Variants in G6PC1 observed in about 807,000 individuals in gnomAD.
G6PC1 encodes G-6-Pase.
In G6PC1, 23 loss-of-function variants were observed where a neutral mutation model predicts 30.4. That is an observed-to-expected ratio of 0.76 (90% CI 0.55 to 1.07). G6PC1 has a LOEUF of 1.07. Ranked by LOEUF, G6PC1 falls within the 50% of genes least tolerant of loss-of-function variation. The probability of loss-of-function intolerance (pLI) is 0.00; values close to 1 mark genes in which losing one functional copy is unlikely to be tolerated. For synonymous variants in G6PC1, 163 were observed against 175.6 expected (o/e 0.93, Z 0.57); for missense variants, 391 against 433.9 (o/e 0.90, Z 0.88).
chr17:42,905,443 T>TATACACAC (rs1223207559), intron 2 of G6PC1, among the ~76,000 whole-genome samples: 64 of 87,918 alleles, frequency 7.3e-4, no homozygotes, highest in African/African-American at 3.5e-3. Context: ...TATATATATA[T>TATACACAC]ACACACACAC....
rs530406429 is a variant in G6PC1, at chr17:42,902,764, G to A, written c.231-1167G>A. On this transcript the variant is annotated intron_variant, in intron 1 of 4. Transcript: ENST00000253801. The stretch of plus-strand genomic sequence containing the variant: ...GAAAGATATATCTAGTACTTTTAAA[G>A]GGGAAGTGGTTTGTCTGAGATACTC... Among the ~76,000 whole-genome samples the A allele has an allele frequency of 2.6e-5, 4 of 152,268 alleles. 1 individual carries two copies. The highest frequency in any genetic ancestry group is 9.6e-5 in the African/African-American group (4 of 41,562).
At chr17:42,903,824 G>C (rs2056041949) in intron 1 of G6PC1, 107 bp from the exon 2 acceptor site, 1 of 789,648 alleles carries the variant, frequency 1.3e-6, no homozygotes. Flanking sequence ...CTCCCTTCTA[G>C]AGGCAACATG....
chr17:42,900,833 C>A lies in G6PC1; in HGVS notation c.-44C>A. On this transcript the variant is annotated 5_prime_UTR_variant, in exon 1 of 5. Transcript: ENST00000253801. ...ATCACCACCAAGCCTGGAATAACTGCAAGGGCTCTGCTGACATCTTCCTGA... is the reference window on the plus strand; with the variant it reads ...ATCACCACCAAGCCTGGAATAACTGAAAGGGCTCTGCTGACATCTTCCTGA... The A allele has an allele frequency of 6.6e-7, 1 of 1,521,328 alleles. No individual in the cohort carries two copies. The highest frequency in any genetic ancestry group is 9.1e-7 in the Non-Finnish European group (1 of 1,097,470). 94.2% of individuals were successfully genotyped at this position (1,521,328 alleles called of 1,614,324 possible).
chr17:42,906,695 A>C (rs2056064025), intron 2 of G6PC1, among the ~76,000 whole-genome samples: 1 of 152,050 alleles, frequency 6.6e-6, no homozygotes, highest in African/African-American at 2.4e-5. Flanking sequence ...CCTGGGCAAA[A>C]ACAATCAAAC....
Position 42,912,880 on chromosome 17 carries a change from C to T in G6PC1, c.*1454C>T, listed in dbSNP as rs148453821. ...GCACGATCTTGGCTCACTGCAACCT[C>T]TTCCTCCTGGTTCAAGCGATTCTCA... On this transcript the variant is annotated 3_prime_UTR_variant, in exon 5 of 5. Coordinates refer to ENST00000253801, the MANE Select transcript of G6PC1 (RefSeq NM_000151.4). The T allele has an allele frequency of 6.1e-3, 921 of 152,214 alleles. 4 individuals are homozygous for T. Among genetic ancestry groups the T allele is most frequent in the Middle Eastern group, 0.027 (8 of 294 alleles). 9.4% of individuals were successfully genotyped at this position (152,214 alleles called of 1,614,324 possible).
rs1162228925 is a variant in G6PC1, at chr17:42,900,908, T to C, written c.32T>C (p.Phe11Ser). The change falls in exon 1 of 5, where the codon TTT (phenylalanine) becomes TCT (serine). Residue 11 changes from phenylalanine (F) to serine (S), a missense_variant. Coordinates refer to ENST00000253801, the MANE Select transcript of G6PC1 (RefSeq NM_000151.4). Reference protein sequence around the residue: MEEGMNVLHDFGIQSTHYLQV... With the variant: MEEGMNVLHDSGIQSTHYLQV... ...GAAGGAATGAATGTTCTCCATGACT[T>C]TGGGATCCAGTCAACACATTACCTC... 6.2e-7 allele frequency: 1 copy of C among 1,614,046 alleles called. No homozygotes were observed. Among genetic ancestry groups the C allele is most frequent in the East Asian group, 2.2e-5 (1 of 44,872 alleles).
rs1332657768 is a variant in G6PC1 at position 42,903,926 on chromosome 17, C to T, written c.231-5C>T. ...ACCCCAGAAACTTGTTCTGTTTTTCCATAGGATTCTCTTTGGACAGCGTCC... is the reference window on the plus strand; with the variant it reads ...ACCCCAGAAACTTGTTCTGTTTTTCTATAGGATTCTCTTTGGACAGCGTCC... On this transcript the variant is annotated splice_region_variant and splice_polypyrimidine_tract_variant and intron_variant, in intron 1 of 4. Transcript: ENST00000253801. 6.3e-7 allele frequency: 1 copy of T among 1,598,574 alleles called. No individual in the cohort carries two copies. The highest frequency in any genetic ancestry group is 8.6e-7 in the Non-Finnish European group (1 of 1,165,952).
At chr17:42,905,033 A>T (rs2056049901) in intron 2 of G6PC1, among the ~76,000 whole-genome samples, 1 of 152,054 alleles carries the variant, frequency 6.6e-6, no homozygotes, top group Middle Eastern at 3.4e-3. Flanking sequence ...AATCGCTTGA[A>T]CCTGGGAGGC....
intron 4 of G6PC1, among the ~76,000 whole-genome samples, chr17:42,910,031 T>G (rs1209494778): frequency 2.0e-5 from 3 of 151,898 alleles, no homozygotes; most frequent in African/African-American, 7.3e-5. Flanking sequence ...GCCCGGCTAA[T>G]TTTTTGTATT....
chr17:42,908,289 A>G (rs1222229885), intron 3 of G6PC1, among the ~76,000 whole-genome samples: 1 of 152,110 alleles, frequency 6.6e-6, no homozygotes. Flanking sequence ...TCAGCCTCCT[A>G]AAATATTGGG....
Position 42,911,416 on chromosome 17 carries a change from AGTC to A in G6PC1, c.1067_1069del (p.Ser356del). ...CAGGTCCTGGGCCAGCCGCACAAGA[AGTC>A]GTTGTAAGAGATGTGGAGTCTTCGG... is the stretch of plus-strand genomic sequence containing the variant. On this transcript the variant is annotated inframe_deletion, in exon 5 of 5. Transcript: ENST00000253801. 6.2e-7 allele frequency: 1 copy of A among 1,614,182 alleles called. No individual in the cohort carries two copies. Among genetic ancestry groups the A allele is most frequent in the Non-Finnish European group, 8.5e-7 (1 of 1,180,036 alleles).
rs964033857 is a variant in G6PC1, at chr17:42,913,845, G to A, written c.*2419G>A. Among the ~76,000 whole-genome samples, 1 of 152,112 alleles carries A rather than the reference G, an allele frequency of 6.6e-6. No individual in the cohort carries two copies. The highest frequency in any genetic ancestry group is 2.4e-5 in the African/African-American group (1 of 41,420). On this transcript the variant is annotated 3_prime_UTR_variant, in exon 5 of 5. Coordinates refer to ENST00000253801, the MANE Select transcript of G6PC1 (RefSeq NM_000151.4). ...GTCACAGCACCAAGGAATGCTCAAGGGAGCTATTGCAGGTTTCTCTGCTAA... is the reference window on the plus strand; with the variant it reads ...GTCACAGCACCAAGGAATGCTCAAGAGAGCTATTGCAGGTTTCTCTGCTAA...
At position 42,911,372 on chromosome 17, in the gene G6PC1, C is replaced by T; in HGVS notation, c.1020C>T (p.Val340=). 2 of 1,614,200 alleles carry T rather than the reference C, an allele frequency of 1.2e-6. No individual in the cohort carries two copies. The highest frequency in any genetic ancestry group is 8.5e-7 in the Non-Finnish European group (1 of 1,180,038). Residue 340 remains valine, a synonymous_variant, in exon 5 of 5, where the codon GTC becomes GTT. Coordinates refer to ENST00000253801, the MANE Select transcript of G6PC1 (RefSeq NM_000151.4). ...SAVVPLASVS[V]IPYCLAQVLG... is the part of the protein sequence containing the mutation. Reference sequence around the variant, plus strand: ...TAGTGCCCCTGGCATCCGTCAGTGTCATCCCCTACTGCCTCGCCCAGGTCC... The same window carrying T: ...TAGTGCCCCTGGCATCCGTCAGTGTTATCCCCTACTGCCTCGCCCAGGTCC...
In G6PC1 at chr17:42,911,823, A is replaced by T; in HGVS notation, c.*397A>T. 1 of 281,558 alleles carries T rather than the reference A, an allele frequency of 3.6e-6. No individual in the cohort carries two copies. The highest frequency in any genetic ancestry group is 4.1e-5 in the South Asian group (1 of 24,220). 17.4% of individuals were successfully genotyped at this position (281,558 alleles called of 1,614,324 possible). ...TCAGCTCAGGTGGTCCTCTTTTACAATCCTAATCATATTGGGTAATGTTTT... is the reference window on the plus strand; with the variant it reads ...TCAGCTCAGGTGGTCCTCTTTTACATTCCTAATCATATTGGGTAATGTTTT... On this transcript the variant is annotated 3_prime_UTR_variant, in exon 5 of 5. Coordinates refer to ENST00000253801, the MANE Select transcript of G6PC1 (RefSeq NM_000151.4).
rs863224023 is a variant in G6PC1, at chr17:42,901,107, G to C, written c.230+1G>C. On this transcript the variant is annotated splice_donor_variant, in intron 1 of 4. Coordinates refer to ENST00000253801, the MANE Select transcript of G6PC1 (RefSeq NM_000151.4). LOFTEE classifies it high-confidence loss of function. ...ACTGGCTCAACCTCGTCTTTAAGTGGTAAGAACCATATAGAGAGGAGATCA... is the reference window on the plus strand; with the variant it reads ...ACTGGCTCAACCTCGTCTTTAAGTGCTAAGAACCATATAGAGAGGAGATCA... 5.6e-6 allele frequency: 9 copies of C among 1,610,470 alleles called. No individual in the cohort carries two copies. Among genetic ancestry groups the C allele is most frequent in the Non-Finnish European group, 7.6e-6 (9 of 1,176,662 alleles).
Position 42,909,338 on chromosome 17 carries a change from C to T in G6PC1, c.482C>T (p.Ala161Val). ...GTCATTTTGTGGTTGGGATTCTGGG[C>T]TGTGCAGCTGAATGTCTGTCTGTCA... ...LNVILWLGFW[A>V]VQLNVCLSRI... Residue 161 changes from alanine to valine, a missense_variant, in exon 4 of 5, where the codon GCT becomes GTT. Transcript: ENST00000253801. The T allele has an allele frequency of 6.2e-7, 1 of 1,614,132 alleles. No individual in the cohort carries two copies. Among genetic ancestry groups the T allele is most frequent in the Non-Finnish European group, 8.5e-7 (1 of 1,180,002 alleles).
intron 2 of G6PC1, among the ~76,000 whole-genome samples, chr17:42,907,304 A>G (rs960741832): frequency 6.6e-6 from 1 of 151,598 alleles, no homozygotes; most frequent in African/African-American, 2.4e-5. Context: ...TGCTTGGTGC[A>G]TAGGAGATGG....
At chr17:42,903,887 G>GCATT (rs2056042278) in intron 1 of G6PC1, 44 bp from the exon 2 acceptor site, 10 of 1,300,482 alleles carry the variant, frequency 7.7e-6, no homozygotes, top group Non-Finnish European at 1.1e-5. Flanking sequence ...TTGGGCAAAA[G>GCATT]CATTCATTCA....
chr17:42,905,429 A>AAATATAT (rs572893716), intron 2 of G6PC1, among the ~76,000 whole-genome samples: 156 of 120,708 alleles, frequency 1.3e-3, no homozygotes, highest in African/African-American at 6.1e-3. Flanking sequence ...AAAAAAAAAA[A>AAATATAT]ATATATATAT....
Sources: gnomAD v4.1 joint callset for allele counts (sites outside exome capture counted in the v4.1 genomes callset) on GRCh38, gnomAD v4.1.1 for gene constraint, MANE v1.5 for transcripts, NCBI Gene and HGNC (gene_info 2026-07-23, HGNC 2026-07-21) for gene names.